The following FOXP2 variants were observed in gnomAD, a reference collection of about 807,000 sequenced individuals.
FOXP2 encodes the protein forkhead box P2.
Under a neutral mutation model 115.8 loss-of-function variants are expected in FOXP2, and 12 were observed. The ratio of observed to expected loss-of-function variants is 0.10; its 90% CI spans 0.07 to 0.17. The LOEUF (loss-of-function observed/expected upper bound fraction) is 0.17. Among genes scored for constraint, FOXP2 ranks in the 10% least tolerant of loss-of-function variants. The pLI, the probability that FOXP2 is intolerant of heterozygous loss-of-function variation, is 1.00. For synonymous variants in FOXP2, 328 were observed against 297.7 expected (o/e 1.10, Z -1.05); for missense variants, 629 against 843.5 (o/e 0.75, Z 3.15).
At position 114,389,106 on chromosome 7, in the gene FOXP2, G is replaced by A. The variant is rs528673385; in HGVS notation, c.-10-37396G>A. Reference sequence around the variant, plus strand: ...ATACTAGCTTTTCCTGAATGACATGGTAGACATATTCCTTCATATCATAGG... The same window carrying A: ...ATACTAGCTTTTCCTGAATGACATGATAGACATATTCCTTCATATCATAGG... On this transcript the variant is annotated intron_variant, in intron 2 of 17. Transcript: ENST00000634411. 3.9e-5 allele frequency among the ~76,000 whole-genome samples: 6 copies of A among 152,290 alleles called. No individual in the cohort carries two copies. The South Asian group carries it at 1.2e-3, about 32-fold the overall frequency.
intron 11 of FOXP2, 135 bp downstream of exon 11, chr7:114,658,402 T>A: frequency 1.0e-6 from 1 of 956,498 alleles, no homozygotes. Flanking sequence ...GTTTTATTCC[T>A]GGTAAATGCG....
intron 3 of FOXP2, among the ~76,000 whole-genome samples, chr7:114,544,897 T>C (rs918068864): frequency 1.8e-4 from 28 of 152,156 alleles, no homozygotes; most frequent in Middle Eastern, 3.2e-3. Context: ...TCAATAACAA[T>C]CACCACTGCC....
intron 2 of FOXP2, among the ~76,000 whole-genome samples, chr7:114,302,809 A>C (rs530800585): frequency 2.6e-5 from 4 of 152,266 alleles, no homozygotes; most frequent in African/African-American, 9.6e-5. Flanking sequence ...TGTTTTTGAG[A>C]AGGCTGGGAA....
intron 1 of FOXP2, among the ~76,000 whole-genome samples, chr7:114,147,154 G>T (rs1428869491): frequency 6.6e-6 from 1 of 152,080 alleles, no homozygotes; most frequent in African/African-American, 2.4e-5. Flanking sequence ...TTTATTCTTG[G>T]TTAAGTTATT....
chr7:114,653,962 A>G lies in FOXP2; in HGVS notation c.1219A>G (p.Thr407Ala). Residue 407 changes from threonine (T) to alanine (A), a missense_variant, in exon 10 of 17, where the codon ACC becomes GCC. By Grantham distance (58) the Thr-to-Ala change is moderately conservative. Coordinates refer to ENST00000350908, the MANE Select transcript of FOXP2 (RefSeq NM_014491.4). ...ACGCGAACGTCTTCAAGCAATGATG[A>G]CCCACTTGCACATGCGACCCTCAGA... ...KERERLQAMM[T>A]HLHMRPSEPK... 6.2e-7 allele frequency: 1 copy of G among 1,613,278 alleles called. No homozygotes were observed. The highest frequency in any genetic ancestry group is 8.5e-7 in the Non-Finnish European group (1 of 1,179,438).
intron 3 of FOXP2, among the ~76,000 whole-genome samples, chr7:114,577,631 A>G (rs1203315797): frequency 6.6e-6 from 1 of 151,814 alleles, no homozygotes; most frequent in Non-Finnish European, 1.5e-5. Context: ...TTCCCACCAG[A>G]CTTCCTCCTG....
intron 3 of FOXP2, among the ~76,000 whole-genome samples, chr7:114,576,192 C>G (rs907412964): frequency 6.6e-6 from 1 of 151,936 alleles, no homozygotes; most frequent in East Asian, 1.9e-4. Flanking sequence ...CTGTATCCAT[C>G]TGAAACAGAA....
At chr7:114,644,636 C>T (rs556747037) in intron 7 of FOXP2, 49 bp from the exon 8 acceptor site, 11 of 1,517,126 alleles carry the variant, frequency 7.3e-6, no homozygotes, top group East Asian at 4.5e-5. Context: ...CAGCCTGCAA[C>T]GATTATAGCT....
At chr7:114,207,592 C>T (rs533220149) in intron 1 of FOXP2, among the ~76,000 whole-genome samples, 9 of 152,278 alleles carry the variant, frequency 5.9e-5, no homozygotes, top group Middle Eastern at 3.4e-3. Flanking sequence ...ACATCATCTA[C>T]GTTCCTATTG....
At chr7:114,457,609 A>G (rs1406519026) in intron 2 of FOXP2, among the ~76,000 whole-genome samples, 7 of 152,164 alleles carry the variant, frequency 4.6e-5, no homozygotes, top group African/African-American at 1.7e-4. Context: ...TTAAAAATAT[A>G]TTCTCATGGC....
At chr7:114,536,402 T>C (rs1019095421) in intron 3 of FOXP2, among the ~76,000 whole-genome samples, 18 of 139,142 alleles carry the variant, frequency 1.3e-4, no homozygotes, top group South Asian at 2.2e-4. Flanking sequence ...CTTTTCTTTT[T>C]TTTTTTTTTT....
chr7:114,636,548 A>G (rs1421496022), intron 6 of FOXP2, among the ~76,000 whole-genome samples: 1 of 152,040 alleles, frequency 6.6e-6, no homozygotes, highest in Non-Finnish European at 1.5e-5. Flanking sequence ...ACTTTGCATC[A>G]TAATATATAC....
intron 1 of FOXP2, among the ~76,000 whole-genome samples, chr7:114,097,452 G>A (rs1437162893): frequency 1.3e-5 from 2 of 152,106 alleles, no homozygotes; most frequent in South Asian, 4.1e-4. Context: ...ATATTGTTGT[G>A]TATATCATTT....
chr7:114,636,373 C>G (rs1383676600), intron 6 of FOXP2, among the ~76,000 whole-genome samples: 1 of 152,054 alleles, frequency 6.6e-6, no homozygotes, highest in South Asian at 2.1e-4. Flanking sequence ...ATAGTAATAT[C>G]TCAGTGATTC....
At chr7:114,474,476 C>T (rs1042750838) in intron 2 of FOXP2, among the ~76,000 whole-genome samples, 1 of 152,136 alleles carries the variant, frequency 6.6e-6, no homozygotes, top group Non-Finnish European at 1.5e-5. Flanking sequence ...CATCCTGACT[C>T]TCATAGAGCT....
At chr7:114,418,034 G>A (rs1304199697) in intron 1 of FOXP2, among the ~76,000 whole-genome samples, 1 of 151,906 alleles carries the variant, frequency 6.6e-6, no homozygotes, top group African/African-American at 2.4e-5. Context: ...TCAGATTTTT[G>A]TGAGGGTATA....
At chr7:114,451,212 G>T (rs1795059383) in intron 2 of FOXP2, among the ~76,000 whole-genome samples, 1 of 151,972 alleles carries the variant, frequency 6.6e-6, no homozygotes, top group South Asian at 2.1e-4. Flanking sequence ...TGCTGTCAGG[G>T]AAATAACAGA....
intron 1 of FOXP2, among the ~76,000 whole-genome samples, chr7:114,260,844 T>TA (rs573172929): frequency 0.015 from 2,259 of 147,998 alleles, 26 homozygotes; most frequent in African/African-American, 0.025. Flanking sequence ...GTAATGGCAT[T>TA]AAAAAAAAAA....
intron 16 of FOXP2, among the ~76,000 whole-genome samples, chr7:114,677,370 A>C (rs1297280659): frequency 6.6e-6 from 1 of 152,190 alleles, no homozygotes; most frequent in East Asian, 1.9e-4. Flanking sequence ...AAGAGAAGAC[A>C]TACGATTCTG....
Sources: gnomAD v4.1 joint callset for allele counts (sites outside exome capture counted in the v4.1 genomes callset) on GRCh38, gnomAD v4.1.1 for gene constraint, MANE v1.5 for transcripts, NCBI Gene and HGNC (gene_info 2026-07-23, HGNC 2026-07-21) for gene names.